The following NHSL1 variants were observed in gnomAD, a reference collection of about 807,000 sequenced individuals.
NHSL1 encodes the protein NHS-like protein 1.
In NHSL1, 48 loss-of-function variants were observed where a neutral mutation model predicts 95.0. That is an observed-to-expected ratio of 0.51 (90% confidence interval 0.40 to 0.64). NHSL1 has a LOEUF of 0.64. Ranked by LOEUF, NHSL1 falls within the 30% of genes least tolerant of loss-of-function variation. The pLI is 0.00. For missense variants in NHSL1, 1,971 were observed against 2,077.7 expected (o/e 0.95, Z 1.00); for synonymous variants, 783 against 833.9 (o/e 0.94, Z 1.05).
At chr6:138,501,361 C>T (rs1026598090), upstream of NHSL1, among the ~76,000 whole-genome samples, 5 of 152,124 alleles carry the variant, frequency 3.3e-5, no homozygotes, top group African/African-American at 1.2e-4. Context: ...TGACACTGAA[C>T]TACAATTTTG....
chr6:138,462,912 A>G (rs764854120), intron 3 of NHSL1, among the ~76,000 whole-genome samples: 5 of 152,220 alleles, frequency 3.3e-5, no homozygotes, highest in Non-Finnish European at 5.9e-5. Flanking sequence ...ATGGCAGGCC[A>G]TGTAATATAA....
intron 2 of NHSL1, among the ~76,000 whole-genome samples, chr6:138,475,302 A>T (rs768587555): frequency 4.0e-5 from 6 of 151,786 alleles, no homozygotes; most frequent in Non-Finnish European, 8.8e-5. Flanking sequence ...GGCTCACTTC[A>T]GCCTCAATCT....
At chr6:138,685,625 A>G (rs921059942) in intron 1 of NHSL1, among the ~76,000 whole-genome samples, 4 of 152,122 alleles carry the variant, frequency 2.6e-5, no homozygotes, top group African/African-American at 9.7e-5. Context: ...CCAAGGTGGG[A>G]GGATTGCTTG....
At chr6:138,638,292 A>T (rs1784914930) in intron 1 of NHSL1, among the ~76,000 whole-genome samples, 2 of 152,240 alleles carry the variant, frequency 1.3e-5, no homozygotes, top group South Asian at 4.1e-4. Flanking sequence ...ACAGCACAAC[A>T]GAGTGACTAT....
intron 3 of NHSL1, among the ~76,000 whole-genome samples, chr6:138,449,052 C>CAAAAA (rs545496586): frequency 1.1e-5 from 1 of 88,438 alleles, no homozygotes; most frequent in African/African-American, 3.7e-5. Flanking sequence ...AATTCTGTCT[C>CAAAAA]AAAAAAAAAA....
intron 1 of NHSL1, among the ~76,000 whole-genome samples, chr6:138,607,422 T>C (rs776683670): frequency 3.2e-4 from 49 of 152,336 alleles, no homozygotes; most frequent in Non-Finnish European, 4.0e-4. Flanking sequence ...AACTACTTCA[T>C]CTGGTTCATA....
intron 3 of NHSL1, among the ~76,000 whole-genome samples, chr6:138,468,399 A>G (rs1288812255): frequency 6.6e-6 from 1 of 152,192 alleles, no homozygotes; most frequent in Non-Finnish European, 1.5e-5. Context: ...ACTTGTACCC[A>G]TCTGTGGCCT....
chr6:138,512,893 C>A (rs117428110), intron 1 of NHSL1, among the ~76,000 whole-genome samples: 24 of 152,314 alleles, frequency 1.6e-4, no homozygotes, highest in Non-Finnish European at 2.1e-4. Flanking sequence ...GGGTTTTCCC[C>A]GGTGTTACCT....
chr6:138,499,338 C>T lies in NHSL1; in HGVS notation c.-48G>A, dbSNP rs1399992631. The T allele has an allele frequency of 1.3e-6, 2 of 1,546,286 alleles. No homozygotes were observed. Among genetic ancestry groups the T allele is most frequent in the Non-Finnish European group, 1.7e-6 (2 of 1,144,238 alleles). On this transcript the variant is annotated 5_prime_UTR_variant, in exon 1 of 8. Coordinates refer to ENST00000343505, the MANE Select transcript of NHSL1 (RefSeq NM_001144060.2). ...TTAGAAATGTAAATCACATTAAAAG[C>T]TCAGCCCAGTAGGCAGGTGGCAAGC...
At chr6:138,669,117 G>A (rs971989234) in intron 1 of NHSL1, among the ~76,000 whole-genome samples, 5 of 152,054 alleles carry the variant, frequency 3.3e-5, no homozygotes, top group Admixed American at 2.0e-4. Flanking sequence ...CAGGGGAGGC[G>A]AGGAAAGCAC....
chr6:138,531,384 C>A (rs989279252), intron 1 of NHSL1, among the ~76,000 whole-genome samples: 3 of 152,150 alleles, frequency 2.0e-5, no homozygotes, highest in Admixed American at 2.0e-4. Context: ...TCTTCCAGGG[C>A]AAGGCATGGT....
chr6:138,542,740 C>T (rs188971509), intron 1 of NHSL1, among the ~76,000 whole-genome samples: 187 of 152,204 alleles, frequency 1.2e-3, no homozygotes, highest in African/African-American at 3.9e-3. Flanking sequence ...GTAGTAAAAA[C>T]ATTTTATTCT....
At chr6:138,491,493 A>C (rs1267404553) in intron 2 of NHSL1, among the ~76,000 whole-genome samples, 6 of 152,236 alleles carry the variant, frequency 3.9e-5, no homozygotes, top group African/African-American at 1.4e-4. Flanking sequence ...CCATAAAGCC[A>C]AAAACTATGC....
intron 1 of NHSL1, among the ~76,000 whole-genome samples, chr6:138,628,346 A>G (rs943047657): frequency 2.6e-5 from 4 of 152,050 alleles, no homozygotes; most frequent in Non-Finnish European, 5.9e-5. Context: ...GTATATCCAT[A>G]GATCCATTAT....
chr6:138,473,915 T>C (rs1188369459), intron 2 of NHSL1, among the ~76,000 whole-genome samples: 1 of 152,138 alleles, frequency 6.6e-6, no homozygotes, highest in Non-Finnish European at 1.5e-5. Context: ...CATGAGATCA[T>C]GGATTATAAT....
chr6:138,441,937 C>T lies in NHSL1; in HGVS notation c.664+46G>A, dbSNP rs1198467807. Reference sequence around the variant, plus strand: ...ATGAATGAGGTTAGCGCAGTAAGGCCGAGCAGCAGTGAAGGGCAACAGAAT... The same window carrying T: ...ATGAATGAGGTTAGCGCAGTAAGGCTGAGCAGCAGTGAAGGGCAACAGAAT... On this transcript the variant is annotated intron_variant, in intron 5 of 7. Coordinates refer to ENST00000343505, the MANE Select transcript of NHSL1 (RefSeq NM_001144060.2). 15 of 1,512,678 alleles carry T rather than the reference C, an allele frequency of 9.9e-6. No homozygotes were observed. The South Asian group carries it at 1.0e-4, about 10-fold the overall frequency. 93.7% of individuals were successfully genotyped at this position (1,512,678 alleles called of 1,614,324 possible). A position where few individuals can be genotyped will look rare whatever the true frequency, so the allele number is the denominator to read the frequency against.
At chr6:138,689,329 G>C (rs1347812878) in intron 1 of NHSL1, among the ~76,000 whole-genome samples, 2 of 152,138 alleles carry the variant, frequency 1.3e-5, no homozygotes, top group African/African-American at 4.8e-5. Context: ...CCTCAACCTG[G>C]GGGTGTCAGG....
chr6:138,610,539 T>TAAAAAAAAA (rs1390403525), intron 1 of NHSL1, among the ~76,000 whole-genome samples: 73 of 114,394 alleles, frequency 6.4e-4, no homozygotes, highest in African/African-American at 3.4e-3. Flanking sequence ...AAAAGTATAA[T>TAAAAAAAAA]AATAAAAAAA....
chr6:138,636,931 C>T (rs187413542), intron 1 of NHSL1, among the ~76,000 whole-genome samples: 1 of 152,142 alleles, frequency 6.6e-6, no homozygotes, highest in Admixed American at 6.5e-5. Context: ...TATATGGAAC[C>T]ATGAAAGACC....
Sources: allele counts gnomAD v4.1 joint callset (sites outside exome capture counted in the v4.1 genomes callset), GRCh38; gene constraint gnomAD v4.1.1; transcripts MANE v1.5; gene names NCBI Gene and HGNC (gene_info 2026-07-23, HGNC 2026-07-21).